SLC44A5: variants seen among roughly 807,000 people sequenced by gnomAD.
The protein encoded by SLC44A5 is choline transporter-like protein 5.
A neutral mutation model predicts 101.8 loss-of-function variants in SLC44A5; 57 were observed. The ratio of observed to expected loss-of-function variants is 0.56; its 90% confidence interval spans 0.45 to 0.70. The LOEUF (loss-of-function observed/expected upper bound fraction) is 0.70. Among genes scored for constraint, SLC44A5 ranks in the 30% least tolerant of loss-of-function variants. The probability of loss-of-function intolerance (pLI) is 0.00; values close to 1 mark genes in which losing one functional copy is unlikely to be tolerated. For missense variants in SLC44A5, 737 were observed against 853.1 expected (o/e 0.86, Z 1.70); for synonymous variants, 281 against 290.9 (o/e 0.97, Z 0.35).
At chr1:75,646,422 C>T in the SLC44A5 span, among the ~76,000 whole-genome samples, 14,186 of 152,010 alleles carry the variant, frequency 0.093, 871 homozygotes, top group East Asian at 0.25. Context: ...CTCATGATTT[C>T]AATAAGTCTT....
intron 2 of SLC44A5, among the ~76,000 whole-genome samples, chr1:75,539,774 A>G (rs1339563029): frequency 6.6e-6 from 1 of 152,206 alleles, no homozygotes; most frequent in Non-Finnish European, 1.5e-5. Flanking sequence ...CAGAAACATT[A>G]ATTAGTGGAA....
At chr1:75,344,040 G>A (rs911778718) in intron 3 of SLC44A5, among the ~76,000 whole-genome samples, 15 of 151,906 alleles carry the variant, frequency 9.9e-5, no homozygotes, top group African/African-American at 3.6e-4. Context: ...ACTATGTATG[G>A]TTCCCCCCTT....
chr1:75,675,687 A>T, the SLC44A5 span, among the ~76,000 whole-genome samples: 5 of 152,234 alleles, frequency 3.3e-5, no homozygotes, highest in African/African-American at 7.2e-5. Context: ...CTGCAACAAA[A>T]GCAAAAATTG....
At chr1:75,345,172 C>G (rs930663838) in intron 3 of SLC44A5, among the ~76,000 whole-genome samples, 1 of 150,342 alleles carries the variant, frequency 6.7e-6, no homozygotes, top group Non-Finnish European at 1.5e-5. Context: ...AGAAGTGCAC[C>G]GATGTGAAAA....
chr1:75,416,322 G>T (rs1663644902), intron 2 of SLC44A5, among the ~76,000 whole-genome samples: 1 of 152,130 alleles, frequency 6.6e-6, no homozygotes, highest in Non-Finnish European at 1.5e-5. Context: ...AAACCTCTGA[G>T]CATACAAATG....
intron 2 of SLC44A5, among the ~76,000 whole-genome samples, chr1:75,477,121 G>A (rs973423587): frequency 9.2e-5 from 14 of 152,288 alleles, no homozygotes; most frequent in African/African-American, 2.9e-4. Context: ...TGCAGCCACC[G>A]CTGCTGGTAC....
the SLC44A5 span, among the ~76,000 whole-genome samples, chr1:75,682,746 T>C: frequency 6.6e-6 from 1 of 151,464 alleles, no homozygotes; most frequent in Non-Finnish European, 1.5e-5. Context: ...AAAGCCAAAA[T>C]TGACAAATGG....
intron 1 of SLC44A5, among the ~76,000 whole-genome samples, chr1:75,567,839 C>G (rs1672869372): frequency 1.3e-5 from 2 of 152,080 alleles, no homozygotes; most frequent in Non-Finnish European, 2.9e-5. Context: ...TCTGAATTAA[C>G]TTTTTTCCAC....
chr1:75,393,753 A>G (rs1278054253), intron 3 of SLC44A5, among the ~76,000 whole-genome samples: 1 of 152,168 alleles, frequency 6.6e-6, no homozygotes, highest in African/African-American at 2.4e-5. Context: ...TTGTCTGATT[A>G]TTTTGTGGAG....
At chr1:75,587,863 T>C (rs1051867823) in intron 1 of SLC44A5, among the ~76,000 whole-genome samples, 1 of 152,100 alleles carries the variant, frequency 6.6e-6, no homozygotes, top group Admixed American at 6.6e-5. Flanking sequence ...CAACACAACC[T>C]CTTGGAGGTT....
At chr1:75,241,917 C>A (rs1648664345) in intron 9 of SLC44A5, 84 bp downstream of exon 9, 2 of 1,223,156 alleles carry the variant, frequency 1.6e-6, no homozygotes, top group African/African-American at 1.5e-5. Context: ...TGGCCTCAGT[C>A]TCATCAATTG....
intron 1 of SLC44A5, among the ~76,000 whole-genome samples, chr1:75,564,187 A>C (rs1167832517): frequency 6.6e-6 from 1 of 152,238 alleles, no homozygotes; most frequent in East Asian, 1.9e-4. Flanking sequence ...CTGTGAAAAC[A>C]AAAACTACTG....
At chr1:75,375,110 CA>C (rs1381234411) in intron 3 of SLC44A5, among the ~76,000 whole-genome samples, 1 of 152,060 alleles carries the variant, frequency 6.6e-6, no homozygotes, top group East Asian at 1.9e-4. Context: ...CAAGAAAACT[CA>C]AAAAATGATC....
At chr1:75,715,669 G>C in the SLC44A5 span, among the ~76,000 whole-genome samples, 1 of 152,138 alleles carries the variant, frequency 6.6e-6, no homozygotes, top group African/African-American at 2.4e-5. Flanking sequence ...AGCCATAAAT[G>C]TAAAAGCTAA....
intron 2 of SLC44A5, among the ~76,000 whole-genome samples, chr1:75,438,989 T>C (rs910814661): frequency 6.6e-6 from 1 of 152,098 alleles, no homozygotes; most frequent in Non-Finnish European, 1.5e-5. Flanking sequence ...CAATATGCTA[T>C]GGTTTAAATG....
intron 3 of SLC44A5, among the ~76,000 whole-genome samples, chr1:75,377,030 G>T (rs1265934469): frequency 6.6e-6 from 1 of 152,222 alleles, no homozygotes; most frequent in Non-Finnish European, 1.5e-5. Flanking sequence ...CGTGAAGAAT[G>T]AAGAAGCCTC....
the SLC44A5 span, among the ~76,000 whole-genome samples, chr1:75,675,793 G>T: frequency 5.9e-5 from 9 of 152,060 alleles, no homozygotes; most frequent in African/African-American, 1.9e-4. Context: ...GAAAATTTTT[G>T]CAATCTATCC....
chr1:75,672,515 C>G, the SLC44A5 span, among the ~76,000 whole-genome samples: 2 of 152,116 alleles, frequency 1.3e-5, no homozygotes, highest in African/African-American at 2.4e-5. Context: ...ATTTGAAAGA[C>G]AGTCTAGGCC....
At chr1:75,551,310 T>C (rs1386569221) in intron 1 of SLC44A5, among the ~76,000 whole-genome samples, 1 of 152,168 alleles carries the variant, frequency 6.6e-6, no homozygotes, top group Non-Finnish European at 1.5e-5. Flanking sequence ...ATATTCATAT[T>C]CCTTAGCCAG....
Sources: gnomAD v4.1 joint callset for allele counts (sites outside exome capture counted in the v4.1 genomes callset) on GRCh38, gnomAD v4.1.1 for gene constraint, MANE v1.5 for transcripts, NCBI Gene and HGNC (gene_info 2026-07-23, HGNC 2026-07-21) for gene names.